ZBBX: variants seen among roughly 807,000 people sequenced by gnomAD.
The protein encoded by ZBBX is zinc finger B-box domain-containing protein 1.
Under a neutral mutation model 108.5 loss-of-function variants are expected in ZBBX, and 101 were observed. The observed-to-expected ratio is 0.93, with a 90% CI of 0.79 to 1.10. ZBBX has a LOEUF of 1.10. ZBBX is among the 50% of genes least tolerant of loss of function. The probability of loss-of-function intolerance (pLI) is 0.00; values close to 1 mark genes in which losing one functional copy is unlikely to be tolerated. For synonymous variants in ZBBX, 356 were observed against 323.4 expected (o/e 1.10, Z -1.08); for missense variants, 1,009 against 941.4 (o/e 1.07, Z -0.94).
intron 20 of ZBBX, among the ~76,000 whole-genome samples, chr3:167,249,597 G>A (rs889220045): frequency 2.0e-5 from 3 of 152,136 alleles, no homozygotes; most frequent in Non-Finnish European, 2.9e-5. Context: ...CCCCTTCTCC[G>A]TATAGGACTT....
chr3:167,210,858 C>G, the ZBBX span, among the ~76,000 whole-genome samples: 2 of 152,132 alleles, frequency 1.3e-5, no homozygotes, highest in Admixed American at 6.5e-5. Flanking sequence ...TACTTTCCCA[C>G]TCAAACAAAA....
At chr3:167,226,868 C>T in the ZBBX span, among the ~76,000 whole-genome samples, 2,023 of 151,612 alleles carry the variant, frequency 0.013, 22 homozygotes, top group South Asian at 0.026. Flanking sequence ...TATGTACTTG[C>T]CTTATTCTCT....
At chr3:167,235,906 G>A (rs951843278), downstream of ZBBX, among the ~76,000 whole-genome samples, 3 of 151,536 alleles carry the variant, frequency 2.0e-5, no homozygotes, top group Non-Finnish European at 4.4e-5. Context: ...CTTTAGGTAG[G>A]GGATAAACTA....
chr3:167,379,508 T>C (rs1326985150), intron 2 of ZBBX, 130 bp downstream of exon 2: 1 of 152,216 alleles, frequency 6.6e-6, no homozygotes, highest in East Asian at 1.9e-4. Flanking sequence ...AGTCATTACA[T>C]TTGCATAAGC....
At chr3:167,377,073 A>G (rs1255735046) in intron 2 of ZBBX, among the ~76,000 whole-genome samples, 24 of 152,104 alleles carry the variant, frequency 1.6e-4, no homozygotes, top group Non-Finnish European at 2.9e-5. Context: ...GATTTGGAAA[A>G]ATTTCTAGTT....
chr3:167,219,417 T>C, the ZBBX span, among the ~76,000 whole-genome samples: 1 of 152,006 alleles, frequency 6.6e-6, no homozygotes, highest in Admixed American at 6.6e-5. Flanking sequence ...AAACTGAAAT[T>C]ATATCAAGTA....
intron 9 of ZBBX, among the ~76,000 whole-genome samples, chr3:167,342,217 G>A (rs909088476): frequency 1.3e-5 from 2 of 151,742 alleles, no homozygotes; most frequent in African/African-American, 4.8e-5. Context: ...ACAAACTACT[G>A]TAAAAATTTG....
chr3:167,253,627 C>G (rs1385004901), intron 20 of ZBBX, among the ~76,000 whole-genome samples: 2 of 152,034 alleles, frequency 1.3e-5, no homozygotes, highest in East Asian at 3.9e-4. Context: ...AACCCGCAAA[C>G]AGTAGCTCCC....
chr3:167,194,500 T>C, the ZBBX span, among the ~76,000 whole-genome samples: 3 of 152,170 alleles, frequency 2.0e-5, 1 homozygote, highest in African/African-American at 7.2e-5. Flanking sequence ...ATGAAAGTAG[T>C]GTTTTGATCT....
the ZBBX span, among the ~76,000 whole-genome samples, chr3:167,195,299 T>C: frequency 6.6e-6 from 1 of 152,200 alleles, no homozygotes. Context: ...AATTTATCAC[T>C]AACTCAGCTT....
chr3:167,302,466 T>C (rs1190467252), intron 17 of ZBBX, among the ~76,000 whole-genome samples: 1 of 152,114 alleles, frequency 6.6e-6, no homozygotes, highest in East Asian at 1.9e-4. Context: ...TTTAAATTAG[T>C]GCTTGCCTTT....
intron 1 of ZBBX, among the ~76,000 whole-genome samples, chr3:167,387,712 G>A (rs924594686): frequency 4.6e-5 from 7 of 151,918 alleles, no homozygotes; most frequent in African/African-American, 1.4e-4. Context: ...CATCGCTGTT[G>A]TATAGGAGAT....
chr3:167,328,433 C>T lies in ZBBX; in HGVS notation c.688-317G>A, dbSNP rs190061650. 1.2e-4 allele frequency among the ~76,000 whole-genome samples: 19 copies of T among 152,166 alleles called. No individual in the cohort carries two copies. The East Asian group carries it at 3.1e-3, about 25-fold the overall frequency. On this transcript the variant is annotated intron_variant, in intron 10 of 21. Transcript: ENST00000675490. ...AAGGTGCAATTGCCTTGTATCCATT[C>T]TCCCTACGCCTCCAATCTCCTACTC...
the ZBBX span, among the ~76,000 whole-genome samples, chr3:167,195,949 A>C: frequency 2.6e-5 from 4 of 152,348 alleles, 1 homozygote; most frequent in South Asian, 8.3e-4. Context: ...TCAAAGTAAA[A>C]CAACATATAC....
chr3:167,392,278 A>G (rs1748103629), intron 1 of ZBBX, among the ~76,000 whole-genome samples: 1 of 151,834 alleles, frequency 6.6e-6, no homozygotes, highest in South Asian at 2.1e-4. Flanking sequence ...GATAAATATA[A>G]CATAATTTAT....
chr3:167,233,460 T>G, the ZBBX span, among the ~76,000 whole-genome samples: 2 of 151,626 alleles, frequency 1.3e-5, no homozygotes, highest in African/African-American at 4.8e-5. Context: ...GAAATGAGCA[T>G]AAGAAGCCAG....
intron 19 of ZBBX, among the ~76,000 whole-genome samples, chr3:167,288,057 T>C (rs913798056): frequency 6.6e-6 from 1 of 152,016 alleles, no homozygotes; most frequent in African/African-American, 2.4e-5. Context: ...CTCAATAAGA[T>C]CAGGGAATAT....
intron 20 of ZBBX, among the ~76,000 whole-genome samples, chr3:167,242,920 C>A (rs199593104): frequency 2.0e-5 from 3 of 149,682 alleles, no homozygotes; most frequent in Non-Finnish European, 1.5e-5. Context: ...CATAAAATTT[C>A]AAAAAAAAAA....
chr3:167,366,441 C>G (rs1745324967), intron 5 of ZBBX, among the ~76,000 whole-genome samples: 1 of 151,590 alleles, frequency 6.6e-6, no homozygotes, highest in Non-Finnish European at 1.5e-5. Flanking sequence ...ACAGAGATTA[C>G]AAAGAAGGCA....
Sources: gnomAD v4.1 joint callset for allele counts (sites outside exome capture counted in the v4.1 genomes callset) on GRCh38, gnomAD v4.1.1 for gene constraint, MANE v1.5 for transcripts, NCBI Gene and HGNC (gene_info 2026-07-23, HGNC 2026-07-21) for gene names.